The following FAS variants were observed in gnomAD, a reference collection of about 807,000 sequenced individuals.
FAS encodes the protein tumor necrosis factor receptor superfamily member 6.
FAS carries 5 observed loss-of-function variants against 33.2 expected under a neutral mutation model. That is an observed-to-expected ratio of 0.15 (90% CI 0.08 to 0.32). FAS has a LOEUF of 0.32. Ranked by LOEUF, FAS falls within the 10% of genes least tolerant of loss-of-function variation. FAS has a pLI of 1.00. For synonymous variants in FAS, 131 were observed against 130.7 expected, an observed-to-expected ratio of 1.00 and a Z score of -0.01; for missense variants, 339 against 386.0, an observed-to-expected ratio of 0.88 and a Z score of 1.02.
chr10:88,973,179 TA>T, intron 1 of FAS: 1 of 1,612,110 alleles, frequency 6.2e-7, no homozygotes, highest in South Asian at 1.1e-5. Context: ...GTGTGACCTA[TA>T]GATTCAGAAA....
At chr10:89,002,489 TC>T (rs1847984502) in intron 1 of FAS, 1 of 169,596 alleles carries the variant, frequency 5.9e-6, no homozygotes, top group African/African-American at 2.4e-5. Context: ...CAGATATGCA[TC>T]TTTGGTGGCA....
chr10:88,983,282 G>A (rs1158896184), upstream of FAS, among the ~76,000 whole-genome samples: 1 of 152,136 alleles, frequency 6.6e-6, no homozygotes, highest in Non-Finnish European at 1.5e-5. Context: ...TTATCTCACT[G>A]TATTATGATC....
At chr10:88,992,201 C>T (rs1242675645) in intron 1 of FAS, among the ~76,000 whole-genome samples, 1 of 152,012 alleles carries the variant, frequency 6.6e-6, no homozygotes, top group Non-Finnish European at 1.5e-5. Flanking sequence ...ATGTCTGGGT[C>T]CATTTTATGA....
intron 1 of FAS, among the ~76,000 whole-genome samples, chr10:89,002,359 G>C (rs1847975337): frequency 6.6e-6 from 1 of 152,144 alleles, no homozygotes; most frequent in African/African-American, 2.4e-5. Flanking sequence ...TTTAAACCAG[G>C]AATTGTGGCC....
chr10:88,981,141 G>GT lies in FAS; in HGVS notation n.260+7795dup, dbSNP rs201674880. ...AGAGAGAGCGGGGCCAGTCCACAGG[G>GT]TGTTCAGTGTGGAGCCTCCAGACCT... On this transcript the variant is annotated intron_variant and non_coding_transcript_variant, in intron 2 of 3. Coordinates refer to the FAS transcript ENST00000688239. Among the ~76,000 whole-genome samples, 261 of 152,322 alleles carry GT rather than the reference G, an allele frequency of 1.7e-3. 7 individuals carry two copies. In the South Asian group the frequency reaches 0.025, roughly 15 times the overall value.
chr10:88,974,510 CAGTT>C (rs1846520451), intron 2 of FAS: 1 of 152,086 alleles, frequency 6.6e-6, no homozygotes, highest in Admixed American at 6.5e-5. Flanking sequence ...CCAGTGAGAT[CAGTT>C]ATTTATTTAT....
At chr10:89,012,382 T>G (rs1848577546) in intron 7 of FAS, 1 of 325,918 alleles carries the variant, frequency 3.1e-6, no homozygotes, top group Admixed American at 4.4e-5. Flanking sequence ...TTCACTTTGT[T>G]GCCCAGGCTG....
intron 1 of FAS, among the ~76,000 whole-genome samples, chr10:88,966,724 C>G (rs1846324484): frequency 6.6e-6 from 1 of 152,190 alleles, no homozygotes; most frequent in African/African-American, 2.4e-5. Flanking sequence ...GACAATGGCA[C>G]TTGCCAGCCA....
chr10:88,997,885 T>G (rs1847692902), intron 1 of FAS, among the ~76,000 whole-genome samples: 1 of 152,192 alleles, frequency 6.6e-6, no homozygotes, highest in Non-Finnish European at 1.5e-5. Context: ...CCAATAAGTC[T>G]GGAAAGAAGT....
Position 89,008,960 on chromosome 10 carries a change from A to G in FAS, c.406A>G (p.Asn136Asp). ...KCRCKPNFFCNSTVCEHCDPC... is the reference protein window; with the variant it reads ...KCRCKPNFFCDSTVCEHCDPC... ...CAGATGTAAACCAAACTTTTTTTGT[A>G]ACTCTACTGTATGTGAACACTGTGA... is the stretch of plus-strand genomic sequence containing the variant. Residue 136 changes from asparagine to aspartate, a missense_variant, in exon 4 of 9, where the codon AAC becomes GAC. Around this residue, in one of 3 missense-constraint regions of FAS, gnomAD observed 276 missense variants for 300.1 expected, o/e 0.92. Coordinates refer to ENST00000652046, the MANE Select transcript of FAS (RefSeq NM_000043.6). 6.2e-7 allele frequency: 1 copy of G among 1,614,004 alleles called. No individual in the cohort carries two copies. Among genetic ancestry groups the G allele is most frequent in the East Asian group, 2.2e-5 (1 of 44,886 alleles).
In FAS at chr10:89,015,736, G is replaced by T; in HGVS notation, c.*1286G>T. The T allele has an allele frequency of 2.0e-6, 1 of 496,450 alleles. No homozygotes were observed. Among genetic ancestry groups the T allele is most frequent in the Non-Finnish European group, 3.9e-6 (1 of 259,002 alleles). 30.8% of individuals were successfully genotyped at this position (496,450 alleles called of 1,614,324 possible). ...GAGGATTTTTTTGCCCCTTGTGTTT[G>T]GAATTATAAAATATAGGTAAAAGTA... is the stretch of plus-strand genomic sequence containing the variant. On this transcript the variant is annotated 3_prime_UTR_variant, in exon 9 of 9. Coordinates refer to ENST00000652046, the MANE Select transcript of FAS (RefSeq NM_000043.6).
At chr10:88,977,163 T>C (rs546902685) in intron 2 of FAS, among the ~76,000 whole-genome samples, 107 of 152,094 alleles carry the variant, frequency 7.0e-4, no homozygotes, top group Middle Eastern at 3.4e-3. Context: ...AGCTCTGTAG[T>C]TTAATTAGAT....
chr10:88,996,117 A>T (rs1847571760), intron 1 of FAS, among the ~76,000 whole-genome samples: 2 of 152,230 alleles, frequency 1.3e-5, no homozygotes, highest in Admixed American at 1.3e-4. Flanking sequence ...GATATGAGAA[A>T]TGTGAATACT....
chr10:88,982,543 A>C (rs1432579106), upstream of FAS, among the ~76,000 whole-genome samples: 9 of 152,066 alleles, frequency 5.9e-5, no homozygotes, highest in Non-Finnish European at 8.8e-5. Context: ...CTGAGGGGGG[A>C]ATTCATGGAC....
intron 1 of FAS, among the ~76,000 whole-genome samples, chr10:89,002,343 T>G (rs1287293868): frequency 6.6e-6 from 1 of 152,184 alleles, no homozygotes; most frequent in African/African-American, 2.4e-5. Flanking sequence ...CCTGGGTACT[T>G]GATGATTTAA....
At chr10:89,013,955 G>A in intron 8 of FAS, 164 bp from the exon 9 acceptor site, 1 of 690,242 alleles carries the variant, frequency 1.4e-6, no homozygotes, top group Non-Finnish European at 2.4e-6. Context: ...TTTGGAGTTA[G>A]AACTCAAGGT....
At chr10:89,013,060 A>G (rs1160890216) in intron 7 of FAS, among the ~76,000 whole-genome samples, 2 of 152,264 alleles carry the variant, frequency 1.3e-5, no homozygotes, top group East Asian at 3.9e-4. Flanking sequence ...TAATAAGTCT[A>G]TATGAAAAAT....
intron 1 of FAS, among the ~76,000 whole-genome samples, chr10:88,965,529 G>A (rs1025998470): frequency 2.0e-5 from 3 of 152,092 alleles, no homozygotes; most frequent in Non-Finnish European, 2.9e-5. Context: ...AGCAGCACGC[G>A]GCTGCCTAGT....
At chr10:88,980,941 G>T (rs569454863) in intron 2 of FAS, among the ~76,000 whole-genome samples, 11 of 152,322 alleles carry the variant, frequency 7.2e-5, no homozygotes, top group Non-Finnish European at 1.3e-4. Flanking sequence ...GGTCACAAAG[G>T]GATAAAGTGA....
Sources: gnomAD v4.1 joint callset for allele counts (sites outside exome capture counted in the v4.1 genomes callset) on GRCh38, gnomAD v4.1.1 for gene constraint, gnomAD v4.1.1 regional missense constraint, MANE v1.5 for transcripts, NCBI Gene and HGNC (gene_info 2026-07-23, HGNC 2026-07-21) for gene names.